Variants in BBS1 observed in about 807,000 individuals in gnomAD.
BBS1 encodes BBSome complex member BBS1.
In BBS1, 60 loss-of-function variants were observed where a neutral mutation model predicts 73.9. That is an observed-to-expected ratio of 0.81 (90% CI 0.66 to 1.01). BBS1 has a LOEUF of 1.01. Among genes scored for constraint, BBS1 ranks in the 50% least tolerant of loss-of-function variants. The pLI is 0.00. For missense variants in BBS1, 718 were observed against 770.3 expected (o/e 0.93, Z 0.80); for synonymous variants, 283 against 317.4 (o/e 0.89, Z 1.15).
chr11:66,512,118 A>G (rs1855967701), intron 3 of BBS1, among the ~76,000 whole-genome samples: 1 of 150,656 alleles, frequency 6.6e-6, no homozygotes, highest in African/African-American at 2.4e-5. Context: ...TTAAAAAGAT[A>G]CAAGTTTTTT....
chr11:66,514,738 G>T, intron 4 of BBS1, 60 bp downstream of exon 4: 1 of 1,590,032 alleles, frequency 6.3e-7, no homozygotes, highest in South Asian at 1.1e-5. Context: ...ACTGGGTGAA[G>T]AGGGCTGGGC....
intron 7 of BBS1, among the ~76,000 whole-genome samples, chr11:66,517,147 C>T (rs907688012): frequency 2.0e-5 from 3 of 149,932 alleles, no homozygotes; most frequent in African/African-American, 2.5e-5. Context: ...TGCAGTGAGC[C>T]GAGATTGCGC....
rs778850233 is a variant in BBS1, at chr11:66,511,033, G to A, written c.68G>A (p.Trp23Ter). ...TCCAGCAATGAGGCCAATTCGAAGT[G>A]GTTGGATGCGCACTACGACCCAATG... ...GAESNEANSK[W>*]LDAHYDPMAN... is the part of the protein sequence containing the mutation. The change falls in exon 2 of 17, where the codon TGG (tryptophan) becomes TAG (stop). Residue 23 changes from tryptophan to a stop codon, truncating the protein, a stop_gained. Coordinates refer to ENST00000318312, the MANE Select transcript of BBS1 (RefSeq NM_024649.5). LOFTEE classifies it high-confidence loss of function. The A allele has an allele frequency of 6.2e-7, 1 of 1,614,172 alleles. No individual in the cohort carries two copies. The highest frequency in any genetic ancestry group is 1.1e-5 in the South Asian group (1 of 91,086).
Position 66,519,673 on chromosome 11 carries a change from G to A in BBS1, c.648G>A (p.Val216=). Residue 216 remains valine, a synonymous_variant, in exon 8 of 17, where the codon GTG becomes GTA. Transcript: ENST00000318312. ...LKKNLADEDA[V]SCLVLGTENK... ...AGAACCTGGCTGACGAGGATGCTGTGTCTTGCCTGGTGCTGGGCACCGAGA... is the reference window on the plus strand; with the variant it reads ...AGAACCTGGCTGACGAGGATGCTGTATCTTGCCTGGTGCTGGGCACCGAGA... 1 of 1,613,882 alleles carries A rather than the reference G, an allele frequency of 6.2e-7. No homozygotes were observed. The highest frequency in any genetic ancestry group is 8.5e-7 in the Non-Finnish European group (1 of 1,179,970).
chr11:66,522,772 T>C (rs78176556), intron 9 of BBS1: 7,980 of 242,330 alleles, frequency 0.033, 177 homozygotes, highest in Non-Finnish European at 0.048. Flanking sequence ...CGAAGACAGA[T>C]GTATTAAAGT....
At chr11:66,531,603 G>T in intron 15 of BBS1, 53 bp from the exon 16 acceptor site, 1 of 1,612,742 alleles carries the variant, frequency 6.2e-7, no homozygotes, top group Non-Finnish European at 8.5e-7. Flanking sequence ...ACTGGAATAT[G>T]CCAAACACTG....
At position 66,523,533 on chromosome 11, in the gene BBS1, T is replaced by C. The variant is rs750668484; in HGVS notation, c.908T>C (p.Val303Ala). 4.1e-5 allele frequency: 66 copies of C among 1,614,118 alleles called. 1 individual carries two copies. In the East Asian group the frequency reaches 5.1e-4, roughly 13 times the overall value. The change falls in exon 10 of 17, where the codon GTG becomes GCG. Residue 303 changes from valine to alanine, a missense_variant. By Grantham distance (64) the Val-to-Ala change is moderately conservative. Transcript: ENST00000318312. Reference protein sequence around the residue: ...VGLIRVHKVLVVGSTQDSLHG... With the variant: ...VGLIRVHKVLAVGSTQDSLHG... ...CTTATCCGGGTACACAAGGTCCTAGTGGTGGGCAGCACCCAAGACAGCCTG... is the reference window on the plus strand; with the variant it reads ...CTTATCCGGGTACACAAGGTCCTAGCGGTGGGCAGCACCCAAGACAGCCTG...
intron 11 of BBS1, chr11:66,524,261 C>T (rs970433552): frequency 8.9e-6 from 3 of 335,436 alleles, no homozygotes; most frequent in African/African-American, 6.5e-5. Flanking sequence ...GCCTGGACAA[C>T]AGAGCGAGAC....
At chr11:66,531,928 C>T in intron 16 of BBS1, 23 bp from the exon 17 acceptor site, 1 of 1,570,714 alleles carries the variant, frequency 6.4e-7, no homozygotes, top group Non-Finnish European at 8.6e-7. Context: ...ATGCCCCCTG[C>T]TGCCATGGCC....
At chr11:66,516,343 C>T in intron 7 of BBS1, among the ~76,000 whole-genome samples, 1 of 151,990 alleles carries the variant, frequency 6.6e-6, no homozygotes, top group Admixed American at 6.6e-5. Flanking sequence ...CCAGGCTGGT[C>T]TCGAACTCCT....
At position 66,526,702 on chromosome 11, in the gene BBS1, G is replaced by A. The variant is rs1856517401; in HGVS notation, c.1234G>A (p.Gly412Arg). ...LKRTAVFVEG[G>R]SEVGPPPAQA... ...GCGTACAGCAGTGTTTGTAGAGGGAGGAAGTGAGGTGGGTCCCCCACCAGC... is the reference window on the plus strand; with the variant it reads ...GCGTACAGCAGTGTTTGTAGAGGGAAGAAGTGAGGTGGGTCCCCCACCAGC... Residue 412 changes from glycine (G) to arginine (R), a missense_variant, in exon 13 of 17, where the codon GGA becomes AGA. Gly to Arg is a moderately radical substitution (Grantham distance 125, BLOSUM62 -2). Coordinates refer to ENST00000318312, the MANE Select transcript of BBS1 (RefSeq NM_024649.5). 1.2e-6 allele frequency: 2 copies of A among 1,614,232 alleles called. No homozygotes were observed. The highest frequency in any genetic ancestry group is 1.1e-5 in the South Asian group (1 of 91,080).
intron 11 of BBS1, among the ~76,000 whole-genome samples, chr11:66,525,493 G>A (rs1460052800): frequency 6.6e-6 from 1 of 152,156 alleles, no homozygotes; most frequent in Non-Finnish European, 1.5e-5. Flanking sequence ...AACCCAGGAG[G>A]CAGAGGTTGC....
chr11:66,528,786 T>C (rs373013843), intron 13 of BBS1, among the ~76,000 whole-genome samples: 1 of 151,920 alleles, frequency 6.6e-6, no homozygotes, highest in East Asian at 1.9e-4. Context: ...CTGACCAACA[T>C]GGTGAAACCC....
chr11:66,525,726 G>A (rs958821632), intron 11 of BBS1, among the ~76,000 whole-genome samples: 1 of 152,190 alleles, frequency 6.6e-6, no homozygotes, highest in Non-Finnish European at 1.5e-5. Context: ...CAGAAAAGGC[G>A]GGTTGGAGTC....
chr11:66,527,736 C>A (rs1306999842), intron 13 of BBS1: 1 of 151,162 alleles, frequency 6.6e-6, no homozygotes, highest in Non-Finnish European at 1.5e-5. Flanking sequence ...CTACCTGGGG[C>A]CAACTTCATG....
rs781283997 is a variant in BBS1, at chr11:66,521,388, C to T, written c.830+12C>T. ...TATATTCTGAGAAGGTAGCCACATC[C>T]GTGGTCTCCGGGGCCGGGAGGAACA... On this transcript the variant is annotated intron_variant, in intron 9 of 16. Transcript: ENST00000318312. 2.0e-5 allele frequency: 32 copies of T among 1,608,198 alleles called. No individual in the cohort carries two copies. Among genetic ancestry groups the T allele is most frequent in the Admixed American group, 1.8e-4 (11 of 59,998 alleles).
intron 13 of BBS1, chr11:66,527,019 G>A: frequency 6.5e-7 from 1 of 1,536,614 alleles, no homozygotes; most frequent in East Asian, 2.4e-5. Context: ...GTGGGTGACA[G>A]CAAGAGCCCT....
At chr11:66,529,211 G>C in intron 13 of BBS1, 2 of 1,481,272 alleles carry the variant, frequency 1.4e-6, no homozygotes, top group East Asian at 5.0e-5. Context: ...GTGGGCCCTG[G>C]AGGTGGCTTG....
rs1183524219 is a variant in BBS1, at chr11:66,521,904, C to CAA, written c.830+550_830+551dup. ...TGGGTAACGGAGCGAGACTCCGTCT[C>CAA]AAAAAAAAAAAAAAAAAAAAAAAGC... On this transcript the variant is annotated intron_variant, in intron 9 of 16. Coordinates refer to ENST00000318312, the MANE Select transcript of BBS1 (RefSeq NM_024649.5). 4.5e-3 allele frequency among the ~76,000 whole-genome samples: 162 copies of CAA among 35,814 alleles called. 1 individual carries two copies. Among genetic ancestry groups the CAA allele is most frequent in the Middle Eastern group, 0.018 (1 of 56 alleles). 23.5% of individuals were successfully genotyped at this position (35,814 alleles called of 152,430 possible). A position where few individuals can be genotyped will look rare whatever the true frequency, so the allele number is the denominator to read the frequency against.
Sources: allele counts gnomAD v4.1 joint callset (sites outside exome capture counted in the v4.1 genomes callset), GRCh38; gene constraint gnomAD v4.1.1; transcripts MANE v1.5; gene names NCBI Gene and HGNC (gene_info 2026-07-23, HGNC 2026-07-21).